TXLNB: variants seen among roughly 807,000 people sequenced by gnomAD.
TXLNB encodes the protein beta-taxilin.
In TXLNB, 37 loss-of-function variants were observed where a neutral mutation model predicts 57.4. The observed-to-expected ratio is 0.64, with a 90% CI of 0.50 to 0.85. The LOEUF (loss-of-function observed/expected upper bound fraction) is 0.85. TXLNB is among the 40% of genes least tolerant of loss of function. TXLNB has a pLI of 0.00. For synonymous variants in TXLNB, 302 were observed against 309.6 expected (o/e 0.98, Z 0.26); for missense variants, 848 against 825.6 (o/e 1.03, Z -0.33).
At position 139,242,473 on chromosome 6, in the gene TXLNB, T is replaced by C; in HGVS notation, c.*53A>G. 7.0e-7 allele frequency: 1 copy of C among 1,421,162 alleles called. No individual in the cohort carries two copies. The allele number at this position is 1,421,162 out of a possible 1,614,324, so 88.0% of individuals were successfully genotyped here. ...AATGCCTTTTTCGGAAGACAAGCTG[T>C]TATGCTGAATATGCAAAGAGGCAGG... On this transcript the variant is annotated 3_prime_UTR_variant, in exon 10 of 10. Coordinates refer to ENST00000358430, the MANE Select transcript of TXLNB (RefSeq NM_153235.4).
the TXLNB span, among the ~76,000 whole-genome samples, chr6:139,192,265 G>A: frequency 5.7e-4 from 87 of 152,250 alleles, 1 homozygote; most frequent in African/African-American, 1.9e-3. Flanking sequence ...TGAGTGCATC[G>A]AGGAAAATAA....
the TXLNB span, among the ~76,000 whole-genome samples, chr6:139,315,802 T>C: frequency 2.0e-5 from 3 of 152,170 alleles, no homozygotes; most frequent in African/African-American, 7.2e-5. Context: ...GTGGGCCAGC[T>C]TTTTAAAAAA....
chr6:139,186,323 T>C, the TXLNB span, among the ~76,000 whole-genome samples: 1 of 151,784 alleles, frequency 6.6e-6, no homozygotes, highest in Admixed American at 6.5e-5. Flanking sequence ...AAAGGATTTG[T>C]ATCCAGAATA....
chr6:139,166,753 G>C, the TXLNB span: 1 of 1,613,622 alleles, frequency 6.2e-7, no homozygotes, highest in South Asian at 1.1e-5. Context: ...CCATGGACCG[G>C]CAGAACTCCC....
chr6:139,185,565 G>A, the TXLNB span, among the ~76,000 whole-genome samples: 2 of 152,116 alleles, frequency 1.3e-5, no homozygotes, highest in Non-Finnish European at 2.9e-5. Context: ...GCCGGACGTG[G>A]TGGTGGGCAC....
At chr6:139,306,209 G>A in the TXLNB span, among the ~76,000 whole-genome samples, 1 of 152,178 alleles carries the variant, frequency 6.6e-6, no homozygotes, top group African/African-American at 2.4e-5. Flanking sequence ...TTCCATCAGT[G>A]TCTCCTTCCA....
the TXLNB span, among the ~76,000 whole-genome samples, chr6:139,317,224 G>GA: frequency 0.019 from 2,781 of 149,902 alleles, 45 homozygotes; most frequent in Non-Finnish European, 0.03. Context: ...CTGTCTTTTA[G>GA]AAAAAAAAAG....
At position 139,288,926 on chromosome 6, in the gene TXLNB, A is replaced by C; in HGVS notation, c.-14-13T>G. The C allele has an allele frequency of 6.3e-7, 1 of 1,592,156 alleles. No homozygotes were observed. Among genetic ancestry groups the C allele is most frequent in the Non-Finnish European group, 8.6e-7 (1 of 1,165,872 alleles). ...TTGGGAGTAGTATCTAGTGGTAAGCACAGTTAGGCTTTATGTAGCTAACCT... is the reference window on the plus strand; with the variant it reads ...TTGGGAGTAGTATCTAGTGGTAAGCCCAGTTAGGCTTTATGTAGCTAACCT... On this transcript the variant is annotated splice_polypyrimidine_tract_variant and intron_variant, in intron 1 of 9. Transcript: ENST00000358430.
chr6:139,321,821 A>G, the TXLNB span, among the ~76,000 whole-genome samples: 3 of 151,716 alleles, frequency 2.0e-5, no homozygotes, highest in Non-Finnish European at 4.4e-5. Flanking sequence ...TTTAGTAGAG[A>G]CAGGGTTTCA....
chr6:139,320,612 G>A, the TXLNB span, among the ~76,000 whole-genome samples: 1 of 151,426 alleles, frequency 6.6e-6, no homozygotes, highest in African/African-American at 2.4e-5. Context: ...ATTTTCTGTA[G>A]GCAGAAAATT....
chr6:139,193,252 T>TTTTTTTTTTTTTTTTTC, the TXLNB span, among the ~76,000 whole-genome samples: 1 of 148,028 alleles, frequency 6.8e-6, no homozygotes, highest in Non-Finnish European at 1.5e-5. Context: ...TTTTTTTTTT[T>TTTTTTTTTTTTTTTTTC]TTTTTTTTAT....
chr6:139,243,989 T>C (rs1562270871), intron 9 of TXLNB, among the ~76,000 whole-genome samples: 1 of 150,288 alleles, frequency 6.7e-6, no homozygotes, highest in Non-Finnish European at 1.5e-5. Context: ...CTTTGAGACC[T>C]TTTTTCCCCC....
the TXLNB span, among the ~76,000 whole-genome samples, chr6:139,168,306 G>T: frequency 3.3e-5 from 5 of 151,902 alleles, no homozygotes; most frequent in Non-Finnish European, 5.9e-5. Flanking sequence ...TTACTAATGT[G>T]AATATATATA....
chr6:139,194,111 T>C, the TXLNB span, among the ~76,000 whole-genome samples: 1 of 152,092 alleles, frequency 6.6e-6, no homozygotes, highest in African/African-American at 2.4e-5. Flanking sequence ...AAAGTGTAAT[T>C]TTTATATTTT....
At chr6:139,318,675 T>C in the TXLNB span, among the ~76,000 whole-genome samples, 1 of 152,030 alleles carries the variant, frequency 6.6e-6, no homozygotes, top group African/African-American at 2.4e-5. Flanking sequence ...TGGAAGACAA[T>C]GGACTGATAT....
chr6:139,188,793 C>T, the TXLNB span, among the ~76,000 whole-genome samples: 1 of 150,000 alleles, frequency 6.7e-6, no homozygotes, highest in African/African-American at 2.5e-5. Flanking sequence ...CTTGCTCTGT[C>T]GCCCAGGCTG....
In TXLNB at chr6:139,242,396, A is replaced by G. The variant is rs975758293; in HGVS notation, c.*130T>C. 3.8e-5 allele frequency: 27 copies of G among 708,516 alleles called. No homozygotes were observed. Among genetic ancestry groups the G allele is most frequent in the Non-Finnish European group, 5.1e-5 (25 of 488,280 alleles). The allele number at this position is 708,516 out of a possible 1,614,324, so 43.9% of individuals were successfully genotyped here. On this transcript the variant is annotated 3_prime_UTR_variant, in exon 10 of 10. Transcript: ENST00000358430. ...TCTGAATGAATGTGTTCTGCCTAAC[A>G]TTAAAAAATGTCTTGATCCTAAGTC...
At position 139,255,118 on chromosome 6, in the gene TXLNB, G is replaced by A. The variant is rs138494129; in HGVS notation, c.1077+446C>T. 6.1e-3 allele frequency among the ~76,000 whole-genome samples: 925 copies of A among 152,256 alleles called. 8 individuals are homozygous for A. The highest frequency in any genetic ancestry group is 0.021 in the African/African-American group (889 of 41,540). On this transcript the variant is annotated intron_variant, in intron 7 of 9. Coordinates refer to ENST00000358430, the MANE Select transcript of TXLNB (RefSeq NM_153235.4). Reference sequence around the variant, plus strand: ...GTTACAGGTGTGAGCCACTGCGCCCGGCCTCATTTTCTTTTTATGATAAAT... The same window carrying A: ...GTTACAGGTGTGAGCCACTGCGCCCAGCCTCATTTTCTTTTTATGATAAAT...
chr6:139,313,823 A>C, the TXLNB span, among the ~76,000 whole-genome samples: 1 of 152,130 alleles, frequency 6.6e-6, no homozygotes. Context: ...AACCGACTGA[A>C]TGAACCATCC....
Sources: gnomAD v4.1 joint callset for allele counts (sites outside exome capture counted in the v4.1 genomes callset) on GRCh38, gnomAD v4.1.1 for gene constraint, MANE v1.5 for transcripts, NCBI Gene and HGNC (gene_info 2026-07-23, HGNC 2026-07-21) for gene names.